TBC1D8B: variants seen among roughly 807,000 people sequenced by gnomAD.
The protein encoded by TBC1D8B is RP11-321G1.1.
Under a neutral mutation model 82.9 loss-of-function variants are expected in TBC1D8B, and 75 were observed. That is an observed-to-expected ratio of 0.90 (90% confidence interval 0.75 to 1.10). The LOEUF is 1.10. Among genes scored for constraint, TBC1D8B ranks in the 50% least tolerant of loss-of-function variants. The pLI is 0.00. For synonymous variants in TBC1D8B, 276 were observed against 276.8 expected (o/e 1.00, Z 0.03); for missense variants, 794 against 796.9 (o/e 1.00, Z 0.04).
At chrX:106,809,884 C>CAAA (rs1234195385) in intron 1 of TBC1D8B, among the ~76,000 whole-genome samples, 5 of 36,773 alleles carry the variant, frequency 1.4e-4, no homozygotes, top group African/African-American at 3.5e-4. Flanking sequence ...GACTCCGTCT[C>CAAA]AAAAAAAAAA....
At chrX:106,814,674 T>C (rs1334525506) in intron 1 of TBC1D8B, 7 of 109,660 alleles carry the variant, frequency 6.4e-5, no homozygotes, top group African/African-American at 2.3e-4. Flanking sequence ...AGTGTAAAAG[T>C]GTTCCTATTT....
intron 18 of TBC1D8B, among the ~76,000 whole-genome samples, chrX:106,868,829 T>C (rs571817504): frequency 2.0e-4 from 22 of 112,388 alleles, no homozygotes; most frequent in Middle Eastern, 4.6e-3. Context: ...TGAATACTTA[T>C]TATAAATCAC....
intron 7 of TBC1D8B, among the ~76,000 whole-genome samples, chrX:106,837,904 A>G (rs1417660313): frequency 1.8e-5 from 2 of 111,754 alleles, no homozygotes; most frequent in Non-Finnish European, 3.8e-5. Flanking sequence ...TATTTTGAGT[A>G]GTGCTGCAAG....
In TBC1D8B at chrX:106,861,705, G is replaced by T. The variant is rs186336356; in HGVS notation, c.2353-3854G>T. Among the ~76,000 whole-genome samples, 3 of 111,498 alleles carry T rather than the reference G, an allele frequency of 2.7e-5. No homozygotes were observed. In the East Asian group the frequency reaches 8.5e-4, roughly 31 times the overall value. ...TGCCACTCTGTGCCTTTTAATTAGG[G>T]CAGTCTAGTTACATTCTGGTTAGCC... On this transcript the variant is annotated intron_variant, in intron 14 of 20. Coordinates refer to ENST00000357242, the MANE Select transcript of TBC1D8B (RefSeq NM_017752.3).
intron 7 of TBC1D8B, among the ~76,000 whole-genome samples, chrX:106,830,860 G>T (rs943919441): frequency 8.3e-5 from 9 of 107,897 alleles, no homozygotes; most frequent in Non-Finnish European, 1.5e-4. Context: ...ACGTGTTAGT[G>T]GGTGCAGCGC....
At chrX:106,829,215 A>G (rs1227319441) in intron 7 of TBC1D8B, 3 of 108,033 alleles carry the variant, frequency 2.8e-5, no homozygotes, top group Non-Finnish European at 3.8e-5. Context: ...AGAATAGAAT[A>G]CCTAGGAATC....
At chrX:106,846,760 T>C (rs1932463934) in intron 10 of TBC1D8B, among the ~76,000 whole-genome samples, 1 of 111,611 alleles carries the variant, frequency 9.0e-6, no homozygotes, top group African/African-American at 3.3e-5. Context: ...GCATAGTTAA[T>C]ATACAAATCT....
At chrX:106,828,876 C>A (rs1175037012) in intron 7 of TBC1D8B, 1 of 107,734 alleles carries the variant, frequency 9.3e-6, no homozygotes, top group Non-Finnish European at 1.9e-5. Flanking sequence ...CTTTTGAAAA[C>A]TGGCACAAGA....
chrX:106,859,480 G>A (rs1217962707), intron 14 of TBC1D8B, among the ~76,000 whole-genome samples: 1 of 111,461 alleles, frequency 9.0e-6, no homozygotes, highest in Non-Finnish European at 1.9e-5. Flanking sequence ...ATTGTGAGTA[G>A]GATTGAGTTC....
At position 106,865,564 on chromosome X, in the gene TBC1D8B, T is replaced by A. The variant is rs1932808457; in HGVS notation, c.2358T>A (p.Arg786=). 3 of 1,195,471 alleles carry A rather than the reference T, an allele frequency of 2.5e-6. No individual in the cohort carries two copies. Among genetic ancestry groups the A allele is most frequent in the Non-Finnish European group, 3.4e-6 (3 of 887,452 alleles). The change falls in exon 15 of 21, where the codon CGT becomes CGA. Residue 786 remains arginine, a synonymous_variant. Transcript: ENST00000357242. Reference sequence around the variant, plus strand: ...TGCTTTTAATCTTTTTAAAGTTGCGTGTTGTATCACAAGATGTGAAATTGA... The same window carrying A: ...TGCTTTTAATCTTTTTAAAGTTGCGAGTTGTATCACAAGATGTGAAATTGA... The part of the protein sequence containing the change: ...LEETTKQNVL[R]VVSQDVKLSL...
chrX:106,809,961 T>C (rs999069332), intron 1 of TBC1D8B, among the ~76,000 whole-genome samples: 1 of 109,031 alleles, frequency 9.2e-6, no homozygotes, highest in African/African-American at 3.3e-5. Flanking sequence ...AGACAGTTGA[T>C]AAATAAGTAA....
At chrX:106,850,391 CTG>C (rs1932562743) in intron 12 of TBC1D8B, 81 bp downstream of exon 12, 3 of 996,322 alleles carry the variant, frequency 3.0e-6, no homozygotes, top group African/African-American at 1.9e-5. Context: ...ACAGAGGAAA[CTG>C]AGCCCTAGAA....
intron 7 of TBC1D8B, among the ~76,000 whole-genome samples, chrX:106,838,116 G>T (rs1932219178): frequency 9.0e-6 from 1 of 111,304 alleles, no homozygotes; most frequent in African/African-American, 3.3e-5. Flanking sequence ...CCTTGGTGAG[G>T]TATCTATTTA....
chrX:106,875,286 CAG>C lies in TBC1D8B; in HGVS notation c.*1323_*1324del, dbSNP rs1378103845. On this transcript the variant is annotated 3_prime_UTR_variant, in exon 21 of 21. Transcript: ENST00000357242. ...TTCTAGATGTGAAACCATGAAAGGG[CAG>C]ACCTCCTTCAGAGTGACTCAAGAGG... The C allele has an allele frequency of 1.2e-4, 13 of 111,926 alleles. No homozygotes were observed. The highest frequency in any genetic ancestry group is 4.2e-4 in the African/African-American group (13 of 30,813). 9.2% of individuals were successfully genotyped at this position (111,926 alleles called of 1,213,427 possible). A position where few individuals can be genotyped will look rare whatever the true frequency, so the allele number is the denominator to read the frequency against.
At chrX:106,842,846 ACTCCCCATTT>A (rs1932346720) in intron 10 of TBC1D8B, among the ~76,000 whole-genome samples, 4 of 110,104 alleles carry the variant, frequency 3.6e-5, no homozygotes, top group Non-Finnish European at 7.6e-5. Flanking sequence ...ATTAGCAGTT[ACTCCCCATTT>A]CTCCTACTAC....
At chrX:106,816,741 A>G (rs1931550855) in intron 1 of TBC1D8B, among the ~76,000 whole-genome samples, 1 of 111,288 alleles carries the variant, frequency 9.0e-6, no homozygotes, top group Non-Finnish European at 1.9e-5. Flanking sequence ...GAAAATTTCT[A>G]ATTGATGCTA....
intron 7 of TBC1D8B, among the ~76,000 whole-genome samples, chrX:106,833,729 G>A (rs1358454864): frequency 9.0e-6 from 1 of 111,236 alleles, no homozygotes; most frequent in Non-Finnish European, 1.9e-5. Flanking sequence ...ATAAATTTAT[G>A]TTTAGGGTTT....
intron 2 of TBC1D8B, among the ~76,000 whole-genome samples, 159 bp from the exon 3 acceptor site, chrX:106,820,718 G>T (rs1021116824): frequency 3.6e-5 from 4 of 111,434 alleles, no homozygotes; most frequent in Non-Finnish European, 5.7e-5. Context: ...CCCACATAGA[G>T]GGATAAAGTA....
At chrX:106,826,620 G>A (rs776197589) in intron 6 of TBC1D8B, among the ~76,000 whole-genome samples, 2 of 87,761 alleles carry the variant, frequency 2.3e-5, no homozygotes, top group East Asian at 7.4e-4. Context: ...CCCTTCCTGT[G>A]TCCATGTGTT....
Sources: gnomAD v4.1 joint callset for allele counts (sites outside exome capture counted in the v4.1 genomes callset) on GRCh38, gnomAD v4.1.1 for gene constraint, MANE v1.5 for transcripts, NCBI Gene and HGNC (gene_info 2026-07-23, HGNC 2026-07-21) for gene names.